Variants in NSD2 observed in about 807,000 individuals in gnomAD.
The protein encoded by NSD2 is nuclear receptor binding SET domain protein 2, also known as histone-lysine N-methyltransferase NSD2.
Under a neutral mutation model 139.0 loss-of-function variants are expected in NSD2, and 12 were observed. The ratio of observed to expected loss-of-function variants is 0.09; its 90% CI spans 0.06 to 0.14. The LOEUF is 0.14. NSD2 is among the 10% of genes least tolerant of loss of function. The pLI is 1.00. For missense variants in NSD2, 1,155 were observed against 1,745.0 expected, an observed-to-expected ratio of 0.66 and a Z score of 6.02; for synonymous variants, 669 against 648.7, an observed-to-expected ratio of 1.03 and a Z score of -0.48.
At chr4:1,934,668 T>A (rs1722089983) in intron 6 of NSD2, among the ~76,000 whole-genome samples, 2 of 148,038 alleles carry the variant, frequency 1.4e-5, no homozygotes, top group African/African-American at 2.5e-5. Flanking sequence ...ACCAACATGG[T>A]GAAAACCCAT....
chr4:1,943,404 A>G (rs769316138), intron 9 of NSD2: 7 of 1,041,258 alleles, frequency 6.7e-6, no homozygotes, highest in South Asian at 9.2e-5. Context: ...TGTGACAGTA[A>G]TAATGGTTAT....
intron 3 of NSD2, among the ~76,000 whole-genome samples, chr4:1,916,107 T>C (rs1217133653): frequency 6.6e-6 from 1 of 152,086 alleles, no homozygotes; most frequent in East Asian, 1.9e-4. Flanking sequence ...TCTGAGCTGC[T>C]CTCTGAGGCC....
At position 1,900,750 on chromosome 4, in the gene NSD2, C is replaced by T. The variant is rs767299529; in HGVS notation, c.96C>T (p.Asn32=). 23 of 1,614,008 alleles carry T rather than the reference C, an allele frequency of 1.4e-5. No homozygotes were observed. Among genetic ancestry groups the T allele is most frequent in the Admixed American group, 5.0e-5 (3 of 59,992 alleles). Reference sequence around the variant, plus strand: ...CACCAGAAATCCTCGGCAGTGCCAACGGGAAGACTCCGAGCTGCGAGGTGA... The same window carrying T: ...CACCAGAAATCCTCGGCAGTGCCAATGGGAAGACTCCGAGCTGCGAGGTGA... ...KQAPEILGSA[N]GKTPSCEVNR... is the part of the protein sequence containing the mutation. The change falls in exon 2 of 22, where the codon AAC becomes AAT. Residue 32 remains asparagine, a synonymous_variant. Coordinates refer to ENST00000508803, the MANE Select transcript of NSD2 (RefSeq NM_001042424.3).
chr4:1,978,795 A>G lies in NSD2; in HGVS notation c.3984A>G (p.Leu1328=), dbSNP rs1017339884. ...GGTCCTACTGCTGTGAGCATGACTT[A>G]GGGGCGGCATCGGTCAGAAGCACCA... ...DGRSYCCEHD[L]GAASVRSTKT... The change falls in exon 22 of 22, where the codon TTA becomes TTG. Residue 1328 remains leucine (L), a synonymous_variant. Transcript: ENST00000508803. The G allele has an allele frequency of 6.2e-7, 1 of 1,613,002 alleles. No individual in the cohort carries two copies. The highest frequency in any genetic ancestry group is 8.5e-7 in the Non-Finnish European group (1 of 1,179,200).
At chr4:1,930,816 G>T in intron 6 of NSD2, 46 bp downstream of exon 6, 1 of 1,575,736 alleles carries the variant, frequency 6.3e-7, no homozygotes. Context: ...GTTGATGTGT[G>T]TAGTGTAGCA....
At chr4:1,881,911 A>G (rs959137989) in intron 1 of NSD2, among the ~76,000 whole-genome samples, 24 of 152,282 alleles carry the variant, frequency 1.6e-4, no homozygotes, top group African/African-American at 5.8e-4. Flanking sequence ...TGAGTATCAG[A>G]TGGAGGGAAG....
rs1448156361 is a variant in NSD2 at position 1,957,059 on chromosome 4, C to G, written c.2881+871C>G. On this transcript the variant is annotated intron_variant, in intron 15 of 21. Transcript: ENST00000508803. ...TTGCTGCGACTGTCGGCAAAGTCTC[C>G]TAACTGTGGATGCAGGTGTCCTGTA... 2.0e-5 allele frequency among the ~76,000 whole-genome samples: 3 copies of G among 152,164 alleles called. No individual in the cohort carries two copies. In the East Asian group the frequency reaches 5.8e-4, roughly 29 times the overall value.
chr4:1,945,647 TG>T, intron 9 of NSD2: 1 of 1,064,124 alleles, frequency 9.4e-7, no homozygotes, highest in Non-Finnish European at 1.1e-6. Context: ...TGTCCCGGCA[TG>T]GAAGCCAGTA....
chr4:1,897,602 A>G (rs893590989), intron 1 of NSD2, among the ~76,000 whole-genome samples: 1 of 152,162 alleles, frequency 6.6e-6, no homozygotes, highest in African/African-American at 2.4e-5. Context: ...CAACAAGACA[A>G]GATCCCGTCT....
chr4:1,953,238 G>C (rs558879756), intron 11 of NSD2, 86 bp from the exon 12 acceptor site: 6 of 1,609,422 alleles, frequency 3.7e-6, no homozygotes, highest in Non-Finnish European at 5.1e-6. Context: ...CTGAAGAGGA[G>C]TTGCTTGATT....
chr4:1,969,617 G>T (rs1050998340), intron 18 of NSD2, among the ~76,000 whole-genome samples: 1 of 151,938 alleles, frequency 6.6e-6, no homozygotes, highest in African/African-American at 2.4e-5. Flanking sequence ...TGAGGTGGGA[G>T]TATCGCTTGA....
Position 1,942,035 on chromosome 4 carries a change from T to C in NSD2, c.1881+2257T>C, listed in dbSNP as rs1723154916. ...GTCACACCCCCTTTGCATGTTTGTA[T>C]TTCCTCCCTTTCATCACATTTGTTT... is the stretch of plus-strand genomic sequence containing the variant. On this transcript the variant is annotated intron_variant, in intron 9 of 21. Transcript: ENST00000508803. This position sits in a 1 kb window ranked among gnomAD's most constrained non-coding sequence, Gnocchi z 4.0. 8.6e-7 allele frequency: 1 copy of C among 1,157,646 alleles called. No homozygotes were observed. The highest frequency in any genetic ancestry group is 4.4e-5 in the Admixed American group (1 of 22,848). 71.7% of individuals were successfully genotyped at this position (1,157,646 alleles called of 1,614,324 possible). A position where few individuals can be genotyped will look rare whatever the true frequency, so the allele number is the denominator to read the frequency against.
rs1237743334 is a variant in NSD2, at chr4:1,958,327, C to A, written c.2985+291C>A. 1.3e-5 allele frequency among the ~76,000 whole-genome samples: 2 copies of A among 152,326 alleles called. No homozygotes were observed. Among genetic ancestry groups the A allele is most frequent in the Non-Finnish European group, 2.9e-5 (2 of 68,024 alleles). On this transcript the variant is annotated intron_variant, in intron 16 of 21. Transcript: ENST00000508803. This position sits in a 1 kb window ranked among gnomAD's most constrained non-coding sequence, Gnocchi z 4.6. Reference sequence around the variant, plus strand: ...GGAGCAGGAGGAGCTGAGGGATGAGCCTCCCACCTGCACCAGGCTGTTGCC... The same window carrying A: ...GGAGCAGGAGGAGCTGAGGGATGAGACTCCCACCTGCACCAGGCTGTTGCC...
chr4:1,965,316 T>C (rs1171108230), intron 18 of NSD2, among the ~76,000 whole-genome samples: 1 of 151,906 alleles, frequency 6.6e-6, no homozygotes, highest in Non-Finnish European at 1.5e-5. Flanking sequence ...AAAAAAGGAA[T>C]TGTTGAGCCT....
chr4:1,943,511 A>C, intron 9 of NSD2: 13 of 1,047,728 alleles, frequency 1.2e-5, no homozygotes, highest in Non-Finnish European at 1.5e-5. Flanking sequence ...TGCATTATGC[A>C]TGCGAGGATG....
intron 2 of NSD2, among the ~76,000 whole-genome samples, chr4:1,903,620 C>T (rs1049989998): frequency 6.6e-5 from 10 of 152,024 alleles, no homozygotes; most frequent in East Asian, 1.9e-4. Context: ...CATTAAAGAC[C>T]GTCTATTAAT....
chr4:1,953,117 C>G, intron 11 of NSD2: 1 of 1,530,832 alleles, frequency 6.5e-7, no homozygotes, highest in Non-Finnish European at 8.8e-7. Context: ...GAAGCTGGAG[C>G]TCAGATCGCA....
At chr4:1,940,938 C>G in intron 9 of NSD2, 1 of 1,056,868 alleles carries the variant, frequency 9.5e-7, no homozygotes, top group South Asian at 4.6e-5. Context: ...TCTGCAGGGA[C>G]TCAAACCAAC....
chr4:1,912,172 G>T, intron 3 of NSD2: 1 of 356,682 alleles, frequency 2.8e-6, no homozygotes, highest in African/African-American at 2.2e-5. Context: ...ATCATCCCCT[G>T]CCTTCCTCTC....
Sources: gnomAD v4.1 joint callset for allele counts (sites outside exome capture counted in the v4.1 genomes callset) on GRCh38, gnomAD v4.1.1 for gene constraint, Gnocchi (gnomAD v3.1) non-coding constraint, MANE v1.5 for transcripts, NCBI Gene and HGNC (gene_info 2026-07-23, HGNC 2026-07-21) for gene names.